The following KAT6B variants were observed in gnomAD, a reference collection of about 807,000 sequenced individuals.
KAT6B encodes the protein histone acetyltransferase KAT6B.
A neutral mutation model predicts 187.5 loss-of-function variants in KAT6B; 10 were observed. The observed-to-expected ratio is 0.05, with a 90% confidence interval of 0.03 to 0.09. The LOEUF (loss-of-function observed/expected upper bound fraction) is 0.09, where lower values mean the gene tolerates loss of function less well. Among genes scored for constraint, KAT6B ranks in the 10% least tolerant of loss-of-function variants. The pLI, the probability that KAT6B is intolerant of heterozygous loss-of-function variation, is 1.00. For synonymous variants in KAT6B, 861 were observed against 926.8 expected (o/e 0.93, Z 1.29); for missense variants, 1,952 against 2,558.9 (o/e 0.76, Z 5.12).
At chr10:74,984,546 T>C (rs1277456458) in intron 11 of KAT6B, 5 of 156,474 alleles carry the variant, frequency 3.2e-5, no homozygotes, top group African/African-American at 7.2e-5. Flanking sequence ...TATTTTATCT[T>C]TTCCAATTAT....
chr10:75,015,662 G>T (rs1299947647), intron 13 of KAT6B, among the ~76,000 whole-genome samples: 1 of 152,212 alleles, frequency 6.6e-6, no homozygotes, highest in Non-Finnish European at 1.5e-5. Context: ...CTGGCCTCGT[G>T]TCTGTTCCCA....
chr10:74,946,172 C>G (rs1016128159), intron 3 of KAT6B, among the ~76,000 whole-genome samples: 4 of 152,148 alleles, frequency 2.6e-5, no homozygotes, highest in South Asian at 2.1e-4. Context: ...ATAATTTTGT[C>G]TATCAGTGAA....
chr10:75,017,649 G>C (rs1431357770), intron 13 of KAT6B, among the ~76,000 whole-genome samples: 2 of 152,098 alleles, frequency 1.3e-5, no homozygotes, highest in Non-Finnish European at 2.9e-5. Flanking sequence ...AAGGTGGCAA[G>C]AAATTCGTTT....
chr10:75,029,492 C>T lies in KAT6B; in HGVS notation c.4668C>T (p.Asp1556=), dbSNP rs769370576. Residue 1556 remains aspartate, a synonymous_variant, in exon 18 of 18, where the codon GAC becomes GAT. Coordinates refer to ENST00000287239, the MANE Select transcript of KAT6B (RefSeq NM_012330.4). This position sits in a 1 kb window ranked among gnomAD's most constrained non-coding sequence, Gnocchi z 6.2. ...QSLTQESSEQ[D]DTFQDCAETQ... ...TGACCCAGGAGAGCAGCGAACAGGA[C>T]GACACCTTTCAGGATTGTGCCGAGA... The T allele has an allele frequency of 1.9e-5, 31 of 1,614,126 alleles. No individual in the cohort carries two copies. Among genetic ancestry groups the T allele is most frequent in the Non-Finnish European group, 2.4e-5 (28 of 1,180,036 alleles).
At chr10:74,836,812 A>C (rs985895225) in intron 1 of KAT6B, among the ~76,000 whole-genome samples, 11 of 152,346 alleles carry the variant, frequency 7.2e-5, no homozygotes, top group Non-Finnish European at 7.4e-5. Context: ...ATGCTCACTC[A>C]GTTACACAAT....
intron 4 of KAT6B, among the ~76,000 whole-genome samples, chr10:74,966,752 CG>C (rs1841500448): frequency 1.3e-5 from 2 of 152,164 alleles, no homozygotes; most frequent in African/African-American, 4.8e-5. Flanking sequence ...ATTAGCTGGA[CG>C]TGGTGGGGTG....
intron 3 of KAT6B, among the ~76,000 whole-genome samples, chr10:74,912,281 AATTG>A (rs1236659876): frequency 1.3e-5 from 2 of 151,990 alleles, no homozygotes; most frequent in Non-Finnish European, 2.9e-5. Context: ...TGGGAATGTT[AATTG>A]ATTGTCTCAT....
At chr10:74,982,142 T>G in intron 11 of KAT6B, 1 of 526,460 alleles carries the variant, frequency 1.9e-6, no homozygotes, top group Non-Finnish European at 3.4e-6. Flanking sequence ...TTCATCACAT[T>G]AACATTTTTG....
Position 74,853,818 on chromosome 10 carries a change from C to CG in KAT6B, c.621+10345dup, listed in dbSNP as rs1032502306. Among the ~76,000 whole-genome samples, 62 of 149,320 alleles carry CG rather than the reference C, an allele frequency of 4.2e-4. 1 individual carries two copies. The highest frequency in any genetic ancestry group is 1.5e-3 in the African/African-American group (59 of 40,582). On this transcript the variant is annotated intron_variant, in intron 3 of 17. Transcript: ENST00000287239. ...AATTTTTTTGTATTTTTAGTAGAGA[C>CG]GGGGGTTTCACCATATTGGCCAGGC...
chr10:74,999,142 G>T lies in KAT6B; in HGVS notation c.2629+10030G>T, dbSNP rs1030781887. The stretch of plus-strand genomic sequence containing the variant: ...AGAAAAGAGGCCAGAGTCAATGGAG[G>T]CCTGACAGTGAGGATGCATGGAAAA... On this transcript the variant is annotated intron_variant, in intron 13 of 17. Transcript: ENST00000287239. Among the ~76,000 whole-genome samples the T allele has an allele frequency of 3.3e-5, 5 of 152,224 alleles. 1 individual carries two copies. The highest frequency in any genetic ancestry group is 7.3e-5 in the Non-Finnish European group (5 of 68,048).
intron 3 of KAT6B, among the ~76,000 whole-genome samples, chr10:74,867,307 A>G (rs1167122688): frequency 2.0e-5 from 3 of 152,074 alleles, no homozygotes; most frequent in African/African-American, 7.2e-5. Flanking sequence ...TTTTTGCTAT[A>G]TATATTTTTT....
intron 8 of KAT6B, 85 bp from the exon 9 acceptor site, chr10:74,977,231 C>G: frequency 1.4e-6 from 2 of 1,466,476 alleles, no homozygotes; most frequent in South Asian, 1.2e-5. Flanking sequence ...GCCCAGTATG[C>G]TAATTTGGTG....
chr10:74,873,518 G>A (rs752408880), intron 3 of KAT6B, among the ~76,000 whole-genome samples: 1 of 152,068 alleles, frequency 6.6e-6, no homozygotes, highest in Non-Finnish European at 1.5e-5. Flanking sequence ...CTGCTGTGTG[G>A]CCAGGGGAGC....
chr10:74,968,486 AT>A (rs895244233), intron 4 of KAT6B, among the ~76,000 whole-genome samples: 8 of 152,128 alleles, frequency 5.3e-5, no homozygotes, highest in African/African-American at 1.9e-4. Context: ...GGTGGGTGGA[AT>A]TTTATGAAGC....
intron 3 of KAT6B, among the ~76,000 whole-genome samples, chr10:74,863,109 A>G (rs1243989060): frequency 6.6e-6 from 1 of 152,216 alleles, no homozygotes; most frequent in Non-Finnish European, 1.5e-5. Context: ...AAAAACAGAA[A>G]GATTTGGAGA....
intron 10 of KAT6B, among the ~76,000 whole-genome samples, chr10:74,981,352 T>TTCCTTCCTTCCTTTC (rs1286645064): frequency 1.2e-4 from 13 of 108,636 alleles, no homozygotes; most frequent in African/African-American, 5.3e-4. Context: ...TCTTCCTTTC[T>TTCCTTCCTTCCTTTC]TTCCTTTCTT....
chr10:74,976,021 C>G lies in KAT6B; in HGVS notation c.1684C>G (p.His562Asp). The G allele has an allele frequency of 6.2e-7, 1 of 1,614,170 alleles. No individual in the cohort carries two copies. The highest frequency in any genetic ancestry group is 8.5e-7 in the Non-Finnish European group (1 of 1,180,028). Reference sequence around the variant, plus strand: ...TCAGGGACAGTCTCGCAAAAAGGGACACCCGAGTTATGCACCACCCAAACG... The same window carrying G: ...TCAGGGACAGTCTCGCAAAAAGGGAGACCCGAGTTATGCACCACCCAAACG... ...TTQGQSRKKG[H>D]PSYAPPKRMR... The change falls in exon 8 of 18, where the codon CAC becomes GAC. Residue 562 changes from histidine to aspartate, a missense_variant. Transcript: ENST00000287239.
intron 3 of KAT6B, among the ~76,000 whole-genome samples, chr10:74,872,258 T>C (rs1161473370): frequency 6.6e-6 from 1 of 152,186 alleles, no homozygotes; most frequent in Non-Finnish European, 1.5e-5. Context: ...TCTAGGCACA[T>C]GGGCTCCCAT....
chr10:74,964,434 A>G (rs1841317227), intron 4 of KAT6B, among the ~76,000 whole-genome samples: 1 of 152,086 alleles, frequency 6.6e-6, no homozygotes, highest in African/African-American at 2.4e-5. Flanking sequence ...CTGTGACACC[A>G]TATTATCTGT....
Sources: allele counts gnomAD v4.1 joint callset (sites outside exome capture counted in the v4.1 genomes callset), GRCh38; gene constraint gnomAD v4.1.1; non-coding constraint Gnocchi (gnomAD v3.1); transcripts MANE v1.5; gene names NCBI Gene and HGNC (gene_info 2026-07-23, HGNC 2026-07-21).